NTM: variants seen among roughly 807,000 people sequenced by gnomAD.
The protein encoded by NTM is IgLON family member 2.
Under a neutral mutation model 42.1 loss-of-function variants are expected in NTM, and 13 were observed. The observed-to-expected ratio is 0.31, with a 90% CI of 0.20 to 0.49. The LOEUF (loss-of-function observed/expected upper bound fraction) is 0.49, where lower values mean the gene tolerates loss of function less well. NTM is among the 20% of genes least tolerant of loss of function. The probability of loss-of-function intolerance (pLI) is 0.99; values close to 1 mark genes in which losing one functional copy is unlikely to be tolerated. For synonymous variants in NTM, 187 were observed against 179.2 expected (o/e 1.04, Z -0.35); for missense variants, 373 against 452.8 (o/e 0.82, Z 1.60).
intron 2 of NTM, among the ~76,000 whole-genome samples, chr11:132,027,652 C>T (rs184054255): frequency 1.2e-4 from 18 of 152,196 alleles, no homozygotes; most frequent in Admixed American, 2.0e-4. Context: ...CCCTCTTCCC[C>T]GACCCTCAGT....
chr11:132,070,354 T>C (rs2057364496), intron 2 of NTM, among the ~76,000 whole-genome samples: 1 of 138,700 alleles, frequency 7.2e-6, no homozygotes, highest in Admixed American at 7.3e-5. Flanking sequence ...CCAAAACACG[T>C]CAAACTGACC....
chr11:131,659,275 C>T (rs952459609), intron 1 of NTM, among the ~76,000 whole-genome samples: 24 of 152,234 alleles, frequency 1.6e-4, no homozygotes, highest in African/African-American at 5.5e-4. Flanking sequence ...AAGTGTTGTG[C>T]TCTTTACAGT....
At chr11:132,212,620 T>A (rs1019055904) in intron 4 of NTM, among the ~76,000 whole-genome samples, 1 of 152,208 alleles carries the variant, frequency 6.6e-6, no homozygotes, top group South Asian at 2.1e-4. Context: ...TTTGTTGTTG[T>A]TTTACTCCGA....
At chr11:131,961,763 A>G (rs188182649) in intron 2 of NTM, among the ~76,000 whole-genome samples, 205 of 152,318 alleles carry the variant, frequency 1.3e-3, no homozygotes, top group African/African-American at 4.7e-3. Context: ...TGAGTCTTCC[A>G]GAACTGGGCA....
intron 4 of NTM, among the ~76,000 whole-genome samples, chr11:132,251,699 C>A (rs576659141): frequency 1.3e-5 from 2 of 152,294 alleles, no homozygotes; most frequent in African/African-American, 4.8e-5. Context: ...CCTGTGCCTA[C>A]CCCACAGGGT....
intron 1 of NTM, among the ~76,000 whole-genome samples, chr11:131,898,717 C>T (rs908224246): frequency 4.6e-5 from 7 of 152,212 alleles, no homozygotes; most frequent in African/African-American, 1.7e-4. Flanking sequence ...CTAACTTACT[C>T]TGATCTTGAT....
intron 1 of NTM, among the ~76,000 whole-genome samples, chr11:131,716,840 G>T (rs781276371): frequency 1.3e-5 from 2 of 151,848 alleles, no homozygotes; most frequent in Admixed American, 6.6e-5. Context: ...AAAGCTTTTT[G>T]TTGTTGTTGT....
chr11:132,034,445 C>T (rs2076273797), intron 2 of NTM, among the ~76,000 whole-genome samples: 1 of 152,180 alleles, frequency 6.6e-6, no homozygotes, highest in East Asian at 1.9e-4. Context: ...TAGTGAAGGA[C>T]ATTTGCAGGA....
rs185901259 is a variant in NTM at position 132,146,396 on chromosome 11, C to T, written c.282C>T (p.Thr94=). ...LDPRVVLLSN[T]QTQYSIEIQN... ...CTCGCGTGGTCCTTCTGAGCAACAC[C>T]CAAACGCAGTACAGCATCGAGATCC... The change falls in exon 3 of 9, where the codon ACC becomes ACT. Residue 94 remains threonine, a synonymous_variant. Transcript: ENST00000683400. This position sits in a 1 kb window ranked among gnomAD's most constrained non-coding sequence, Gnocchi z 4.5. 319 of 1,614,172 alleles carry T rather than the reference C, an allele frequency of 2.0e-4. 4 individuals are homozygous for T. The East Asian group carries it at 7.0e-3, about 35-fold the overall frequency.
At chr11:131,750,282 C>T (rs1402327927) in intron 1 of NTM, among the ~76,000 whole-genome samples, 2 of 152,228 alleles carry the variant, frequency 1.3e-5, no homozygotes, top group Non-Finnish European at 2.9e-5. Context: ...CCTGGATCCT[C>T]CTTGGTGTCT....
At chr11:132,187,459 G>A (rs904673653) in intron 3 of NTM, among the ~76,000 whole-genome samples, 8 of 152,122 alleles carry the variant, frequency 5.3e-5, no homozygotes, top group African/African-American at 1.9e-4. Context: ...GTATATTTTA[G>A]GCAGCCTGAT....
chr11:131,781,118 T>A (rs949507336), intron 1 of NTM, among the ~76,000 whole-genome samples: 16 of 152,244 alleles, frequency 1.1e-4, no homozygotes, highest in African/African-American at 3.8e-4. Flanking sequence ...AACTGCAGAC[T>A]GATTTTAAAA....
intron 4 of NTM, among the ~76,000 whole-genome samples, chr11:132,275,738 A>ATATATATGTATATATATACG (rs1565363133): frequency 4.5e-5 from 3 of 66,668 alleles, no homozygotes; most frequent in East Asian, 1.1e-3. Context: ...ATATATACGT[A>ATATATATGTATATATATACG]TATATATATG....
chr11:131,917,552 C>T (rs1017162085), intron 2 of NTM, among the ~76,000 whole-genome samples: 1 of 152,230 alleles, frequency 6.6e-6, no homozygotes, highest in Non-Finnish European at 1.5e-5. Context: ...TGATAGTCAA[C>T]TCCAGGGAAA....
intron 2 of NTM, among the ~76,000 whole-genome samples, chr11:132,059,997 C>G (rs1340412960): frequency 6.6e-6 from 1 of 152,074 alleles, no homozygotes; most frequent in East Asian, 1.9e-4. Context: ...CCTCTAGATA[C>G]CTGTAGCTCT....
At chr11:131,511,033 C>A (rs1052027084) in intron 1 of NTM, among the ~76,000 whole-genome samples, 2 of 151,248 alleles carry the variant, frequency 1.3e-5, no homozygotes, top group Admixed American at 1.3e-4. Flanking sequence ...CTCGGGAACT[C>A]CAGTTCTTCA....
intron 1 of NTM, among the ~76,000 whole-genome samples, chr11:131,631,151 G>T (rs2063615695): frequency 6.6e-6 from 1 of 152,108 alleles, no homozygotes; most frequent in African/African-American, 2.4e-5. Context: ...TAACAATTTG[G>T]TTACTCTCCC....
At chr11:131,481,299 C>A (rs368396423) in intron 1 of NTM, among the ~76,000 whole-genome samples, 9 of 152,294 alleles carry the variant, frequency 5.9e-5, no homozygotes, top group Non-Finnish European at 1.3e-4. Context: ...ATCCCCTGAA[C>A]GTGGAGACGG....
At chr11:131,745,073 C>T (rs2081643974) in intron 1 of NTM, among the ~76,000 whole-genome samples, 1 of 152,354 alleles carries the variant, frequency 6.6e-6, no homozygotes, top group African/African-American at 2.4e-5. Context: ...CAAACTCTGA[C>T]ACACAGAGGC....
Sources: gnomAD v4.1 joint callset for allele counts (sites outside exome capture counted in the v4.1 genomes callset) on GRCh38, gnomAD v4.1.1 for gene constraint, Gnocchi (gnomAD v3.1) non-coding constraint, MANE v1.5 for transcripts, NCBI Gene and HGNC (gene_info 2026-07-23, HGNC 2026-07-21) for gene names.